The following WDR72 variants were observed in gnomAD, a reference collection of about 807,000 sequenced individuals.
WDR72 encodes WD repeat-containing protein 72.
Under a neutral mutation model 124.2 loss-of-function variants are expected in WDR72, and 120 were observed. The ratio of observed to expected loss-of-function variants is 0.97; its 90% CI spans 0.83 to 1.12. The LOEUF is 1.12. Among genes scored for constraint, WDR72 ranks in the 50% most tolerant of loss-of-function variants. The pLI, the probability that WDR72 is intolerant of heterozygous loss-of-function variation, is 0.00. For missense variants in WDR72, 1,387 were observed against 1,278.8 expected (o/e 1.08, Z -1.29); for synonymous variants, 452 against 441.7 (o/e 1.02, Z -0.29).
At chr15:53,670,274 T>A (rs1253024996) in intron 13 of WDR72, among the ~76,000 whole-genome samples, 1 of 152,204 alleles carries the variant, frequency 6.6e-6, no homozygotes, top group Non-Finnish European at 1.5e-5. Flanking sequence ...GCAATTAACA[T>A]CTTGATAAGA....
intron 18 of WDR72, among the ~76,000 whole-genome samples, chr15:53,555,111 T>C (rs1233907276): frequency 6.6e-6 from 1 of 152,038 alleles, no homozygotes; most frequent in Non-Finnish European, 1.5e-5. Context: ...ATGATTCATC[T>C]GAGATGGAGA....
At chr15:53,522,656 A>G (rs1286445609) in intron 19 of WDR72, among the ~76,000 whole-genome samples, 1 of 152,062 alleles carries the variant, frequency 6.6e-6, no homozygotes, top group Non-Finnish European at 1.5e-5. Flanking sequence ...GATATATACA[A>G]ATATGTAACT....
intron 18 of WDR72, among the ~76,000 whole-genome samples, chr15:53,570,197 G>A (rs551534489): frequency 6.6e-5 from 10 of 151,268 alleles, no homozygotes; most frequent in African/African-American, 1.7e-4. Flanking sequence ...ATGATGTTTC[G>A]AAATATGTAT....
chr15:53,711,529 G>A (rs368043146), intron 7 of WDR72, 48 bp from the exon 8 acceptor site: 54 of 1,584,968 alleles, frequency 3.4e-5, no homozygotes, highest in Admixed American at 2.3e-4. Context: ...AATCTAGTCT[G>A]CCAATAAGAT....
chr15:53,654,046 T>C (rs189909432), intron 14 of WDR72, among the ~76,000 whole-genome samples: 46 of 152,304 alleles, frequency 3.0e-4, no homozygotes, highest in African/African-American at 1.1e-3. Flanking sequence ...TTAGAGTTCT[T>C]TCCCAAGTAT....
intron 14 of WDR72, among the ~76,000 whole-genome samples, chr15:53,659,159 T>C (rs1336420760): frequency 7.2e-6 from 1 of 139,490 alleles, no homozygotes; most frequent in Non-Finnish European, 1.6e-5. Flanking sequence ...TGAGAGGTTT[T>C]ACATTCACAC....
At chr15:53,613,996 A>G (rs1481909792) in intron 15 of WDR72, among the ~76,000 whole-genome samples, 1 of 152,012 alleles carries the variant, frequency 6.6e-6, no homozygotes, top group African/African-American at 2.4e-5. Context: ...ATCCCAATTG[A>G]CCTGCACATC....
At chr15:53,725,072 A>G (rs2017983142) in intron 2 of WDR72, among the ~76,000 whole-genome samples, 1 of 152,172 alleles carries the variant, frequency 6.6e-6, no homozygotes, top group African/African-American at 2.4e-5. Flanking sequence ...AAGGACTATT[A>G]TCCAAAATAC....
At chr15:53,519,262 T>C (rs181688694) in intron 19 of WDR72, among the ~76,000 whole-genome samples, 9 of 152,194 alleles carry the variant, frequency 5.9e-5, no homozygotes, top group Non-Finnish European at 1.2e-4. Context: ...CTTTAATCAC[T>C]GTAAAAGAAA....
At chr15:53,761,010 G>A (rs1332792640), upstream of WDR72, among the ~76,000 whole-genome samples, 1 of 152,060 alleles carries the variant, frequency 6.6e-6, no homozygotes, top group Non-Finnish European at 1.5e-5. Context: ...TGTAGTCGAT[G>A]CTACTCCAGA....
chr15:53,726,450 A>G (rs2018041876), intron 2 of WDR72, among the ~76,000 whole-genome samples: 1 of 151,842 alleles, frequency 6.6e-6, no homozygotes, highest in African/African-American at 2.4e-5. Flanking sequence ...GTCTATTGAA[A>G]TACTTTTTAA....
At chr15:53,540,296 G>A (rs961342332) in intron 18 of WDR72, among the ~76,000 whole-genome samples, 2 of 152,132 alleles carry the variant, frequency 1.3e-5, no homozygotes, top group African/African-American at 4.8e-5. Context: ...ATAGTAGACA[G>A]TACACCTTGT....
At chr15:53,668,526 G>A (rs145725093) in intron 13 of WDR72, among the ~76,000 whole-genome samples, 1 of 152,126 alleles carries the variant, frequency 6.6e-6, no homozygotes, top group Non-Finnish European at 1.5e-5. Flanking sequence ...ATTTGGGCTT[G>A]ATAAATATTT....
intron 14 of WDR72, among the ~76,000 whole-genome samples, chr15:53,649,390 T>A (rs1471583552): frequency 1.3e-5 from 2 of 152,140 alleles, no homozygotes; most frequent in African/African-American, 4.8e-5. Context: ...ATGCAAAATA[T>A]TTTTTCTGGG....
chr15:53,720,091 A>T (rs908060456), intron 3 of WDR72, among the ~76,000 whole-genome samples: 1 of 152,024 alleles, frequency 6.6e-6, no homozygotes, highest in Non-Finnish European at 1.5e-5. Flanking sequence ...ATTTTGTGCT[A>T]TTTGTCCCAT....
intron 13 of WDR72, among the ~76,000 whole-genome samples, chr15:53,674,825 A>C (rs2016110616): frequency 6.6e-6 from 1 of 152,144 alleles, no homozygotes. Flanking sequence ...CACAGCCTCC[A>C]GCACATTCAC....
In WDR72 at chr15:53,669,227, C is replaced by T. The variant is rs140273300; in HGVS notation, c.1766-3459G>A. On this transcript the variant is annotated intron_variant, in intron 13 of 19. Coordinates refer to ENST00000360509, the MANE Select transcript of WDR72 (RefSeq NM_182758.4). ...TCTTTGGGTAGTTTTGTAACAGCGC[C>T]TCCAGCAAGACATCTCCCTATGGAC... Among the ~76,000 whole-genome samples the T allele has an allele frequency of 6.6e-3, 1,005 of 152,252 alleles. 12 individuals are homozygous for T. The highest frequency in any genetic ancestry group is 6.7e-3 in the Non-Finnish European group (459 of 68,012).
intron 19 of WDR72, among the ~76,000 whole-genome samples, chr15:53,521,431 C>G (rs1891787286): frequency 6.6e-6 from 1 of 152,038 alleles, no homozygotes; most frequent in South Asian, 2.1e-4. Flanking sequence ...GCCTATAAGG[C>G]AAGATGTCTT....
chr15:53,623,804 C>G (rs73408269), intron 14 of WDR72, among the ~76,000 whole-genome samples: 10,395 of 152,124 alleles, frequency 0.068, 1,172 homozygotes, highest in African/African-American at 0.24. Flanking sequence ...TACAAATATA[C>G]ACTGTATAAG....
Sources: allele counts gnomAD v4.1 joint callset (sites outside exome capture counted in the v4.1 genomes callset), GRCh38; gene constraint gnomAD v4.1.1; transcripts MANE v1.5; gene names NCBI Gene and HGNC (gene_info 2026-07-23, HGNC 2026-07-21).